The following GPC5 variants were observed in gnomAD, a reference collection of about 807,000 sequenced individuals.
The protein encoded by GPC5 is glypican 5, also known as glypican-5.
In GPC5, 47 loss-of-function variants were observed where a neutral mutation model predicts 53.9. The observed-to-expected ratio is 0.87, with a 90% CI of 0.69 to 1.11. GPC5 has a LOEUF of 1.11. Among genes scored for constraint, GPC5 ranks in the 50% most tolerant of loss-of-function variants. GPC5 has a pLI of 0.00. For missense variants in GPC5, 748 were observed against 713.1 expected, an observed-to-expected ratio of 1.05 and a Z score of -0.56; for synonymous variants, 286 against 263.3, an observed-to-expected ratio of 1.09 and a Z score of -0.84.
chr13:91,410,406 C>T (rs995328411), intron 1 of GPC5, among the ~76,000 whole-genome samples: 15 of 143,940 alleles, frequency 1.0e-4, no homozygotes, highest in East Asian at 2.1e-4. Flanking sequence ...AGTGCAGTGG[C>T]ACGATCTTGG....
At chr13:91,443,432 A>T (rs904350498) in intron 1 of GPC5, among the ~76,000 whole-genome samples, 4 of 152,184 alleles carry the variant, frequency 2.6e-5, no homozygotes, top group Admixed American at 6.6e-5. Context: ...TCTAGCCTCC[A>T]GAACTGTGAG....
chr13:91,928,826 T>C (rs1315082452), intron 6 of GPC5, among the ~76,000 whole-genome samples: 1 of 152,120 alleles, frequency 6.6e-6, no homozygotes, highest in African/African-American at 2.4e-5. Flanking sequence ...AAAGACATTA[T>C]AACCTCAGCA....
At chr13:92,078,724 C>A (rs1054216984) in intron 6 of GPC5, among the ~76,000 whole-genome samples, 3 of 152,158 alleles carry the variant, frequency 2.0e-5, no homozygotes, top group South Asian at 2.1e-4. Context: ...TTTAAGAATA[C>A]CCACTAGTAG....
chr13:91,641,758 A>G (rs1036277915), intron 2 of GPC5, among the ~76,000 whole-genome samples: 17 of 152,228 alleles, frequency 1.1e-4, no homozygotes, highest in Non-Finnish European at 2.4e-4. Flanking sequence ...GAGACATAAG[A>G]GGGTGAGATC....
intron 7 of GPC5, among the ~76,000 whole-genome samples, chr13:92,616,761 CTT>C (rs1393800670): frequency 1.3e-5 from 2 of 152,114 alleles, no homozygotes; most frequent in Admixed American, 1.3e-4. Flanking sequence ...AGGATTATCT[CTT>C]GTGAAACTTC....
chr13:91,498,152 C>G (rs576084683), intron 2 of GPC5, among the ~76,000 whole-genome samples: 1 of 151,682 alleles, frequency 6.6e-6, no homozygotes, highest in East Asian at 1.9e-4. Context: ...CCGCCACACA[C>G]ACACGCCTGG....
intron 5 of GPC5, among the ~76,000 whole-genome samples, chr13:91,900,661 G>T (rs553924495): frequency 1.3e-5 from 2 of 151,890 alleles, no homozygotes; most frequent in Non-Finnish European, 2.9e-5. Context: ...TATAAAAAAC[G>T]TATTTATCCT....
chr13:92,108,552 C>T lies in GPC5; in HGVS notation c.1402-36278C>T, dbSNP rs75439944. ...ACTTAGAATATTCTACAATCACTGTCTTTGCTTTGTCACCACATAAACTGT... is the reference window on the plus strand; with the variant it reads ...ACTTAGAATATTCTACAATCACTGTTTTTGCTTTGTCACCACATAAACTGT... On this transcript the variant is annotated intron_variant, in intron 6 of 7. Transcript: ENST00000377067. Among the ~76,000 whole-genome samples, 736 of 152,262 alleles carry T rather than the reference C, an allele frequency of 4.8e-3. 5 individuals carry two copies. The highest frequency in any genetic ancestry group is 0.017 in the African/African-American group (697 of 41,572).
In GPC5 at chr13:92,787,675, A is replaced by AAAAAAAAG. The variant is rs1354424505; in HGVS notation, c.1562-78600_1562-78599insGAAAAAAA. On this transcript the variant is annotated intron_variant, in intron 7 of 7. Coordinates refer to ENST00000377067, the MANE Select transcript of GPC5 (RefSeq NM_004466.6). ...GAGAGACCTCATAGCTACAAAAAAA[A>AAAAAAAAG]AAAAAAAAGAAAAGAAAAGAAAGAA... is the stretch of plus-strand genomic sequence containing the variant. Among the ~76,000 whole-genome samples, 39 of 149,524 alleles carry AAAAAAAAG rather than the reference A, an allele frequency of 2.6e-4. 1 individual carries two copies. The highest frequency in any genetic ancestry group is 2.3e-3 in the South Asian group (11 of 4,720).
intron 2 of GPC5, among the ~76,000 whole-genome samples, chr13:91,521,334 G>A (rs1326842702): frequency 6.6e-6 from 1 of 152,182 alleles, no homozygotes; most frequent in Non-Finnish European, 1.5e-5. Flanking sequence ...ATTCAATGTT[G>A]TAGGGATTGA....
chr13:91,579,624 C>CTTT (rs3055895), intron 2 of GPC5, among the ~76,000 whole-genome samples: 40 of 102,592 alleles, frequency 3.9e-4, no homozygotes, highest in African/African-American at 5.3e-4. Context: ...TTTTCTTTTT[C>CTTT]TTTTTTTTTT....
At chr13:92,648,325 A>G (rs1309755154) in intron 7 of GPC5, among the ~76,000 whole-genome samples, 9 of 152,062 alleles carry the variant, frequency 5.9e-5, no homozygotes, top group Non-Finnish European at 1.3e-4. Flanking sequence ...TTTGCAATGC[A>G]TCTATTCTTT....
At chr13:92,353,814 TTCTC>T (rs1369835933) in intron 7 of GPC5, among the ~76,000 whole-genome samples, 1 of 152,178 alleles carries the variant, frequency 6.6e-6, no homozygotes, top group African/African-American at 2.4e-5. Context: ...TAATAAATGA[TTCTC>T]TATTCTATTC....
At chr13:91,772,098 G>A (rs1253065526) in intron 5 of GPC5, among the ~76,000 whole-genome samples, 2 of 152,106 alleles carry the variant, frequency 1.3e-5, no homozygotes, top group African/African-American at 2.4e-5. Context: ...GATTCTCATA[G>A]CACACCCTGG....
At chr13:91,690,705 A>G (rs1453878014) in intron 2 of GPC5, among the ~76,000 whole-genome samples, 1 of 152,220 alleles carries the variant, frequency 6.6e-6, no homozygotes, top group Admixed American at 6.5e-5. Context: ...CTTTATAAAA[A>G]TTGCATGTGT....
At chr13:91,847,328 A>G (rs543146840) in intron 5 of GPC5, among the ~76,000 whole-genome samples, 1 of 152,116 alleles carries the variant, frequency 6.6e-6, no homozygotes, top group South Asian at 2.1e-4. Context: ...GCTGTTAAAT[A>G]GGTTTCTATA....
In GPC5 at chr13:91,501,242, T is replaced by G. The variant is rs1200016723; in HGVS notation, c.325+52320T>G. Among the ~76,000 whole-genome samples the G allele has an allele frequency of 4.6e-5, 6 of 130,196 alleles. No homozygotes were observed. The East Asian group carries it at 5.9e-4, about 13-fold the overall frequency. The allele number at this position is 130,196 out of a possible 152,430, so 85.4% of individuals were successfully genotyped here. ...GAAAGCTCAGCTCTTAAGACTTTGT[T>G]TTTTTTTTTTTTTTTTTTGTAATTT... On this transcript the variant is annotated intron_variant, in intron 2 of 7. Coordinates refer to ENST00000377067, the MANE Select transcript of GPC5 (RefSeq NM_004466.6).
At chr13:92,599,738 T>A (rs1282470060) in intron 7 of GPC5, among the ~76,000 whole-genome samples, 1 of 152,088 alleles carries the variant, frequency 6.6e-6, no homozygotes, top group Non-Finnish European at 1.5e-5. Flanking sequence ...AAGTAATAAG[T>A]TATCCAAGGA....
intron 7 of GPC5, among the ~76,000 whole-genome samples, chr13:92,334,023 A>G (rs58450784): frequency 0.027 from 4,082 of 152,296 alleles, 169 homozygotes; most frequent in African/African-American, 0.092. Context: ...ATTAAGCATC[A>G]TACTGGAAGA....
Sources: gnomAD v4.1 joint callset for allele counts (sites outside exome capture counted in the v4.1 genomes callset) on GRCh38, gnomAD v4.1.1 for gene constraint, MANE v1.5 for transcripts, NCBI Gene and HGNC (gene_info 2026-07-23, HGNC 2026-07-21) for gene names.